The following KCTD16 variants were observed in gnomAD, a reference collection of about 807,000 sequenced individuals.
KCTD16 encodes BTB/POZ domain-containing protein KCTD16.
Under a neutral mutation model 33.2 loss-of-function variants are expected in KCTD16, and 13 were observed. The observed-to-expected ratio is 0.39, with a 90% CI of 0.25 to 0.62. The LOEUF (loss-of-function observed/expected upper bound fraction) is 0.62. KCTD16 is among the 20% of genes least tolerant of loss of function. The pLI is 0.50. For missense variants in KCTD16, 441 were observed against 525.1 expected (o/e 0.84, Z 1.57); for synonymous variants, 197 against 195.3 (o/e 1.01, Z -0.07).
intron 3 of KCTD16, among the ~76,000 whole-genome samples, chr5:144,458,373 G>T (rs1464173204): frequency 6.6e-6 from 1 of 152,226 alleles, no homozygotes; most frequent in African/African-American, 2.4e-5. Flanking sequence ...TCTTAGTACT[G>T]CCACTTGATT....
At chr5:144,234,410 C>G (rs1580809292) in intron 3 of KCTD16, among the ~76,000 whole-genome samples, 2 of 152,234 alleles carry the variant, frequency 1.3e-5, no homozygotes, top group African/African-American at 4.8e-5. Context: ...TGTCTGTCAC[C>G]TATACCCTTC....
At chr5:144,366,206 C>T (rs369744512) in intron 3 of KCTD16, among the ~76,000 whole-genome samples, 2 of 152,048 alleles carry the variant, frequency 1.3e-5, no homozygotes, top group South Asian at 2.1e-4. Context: ...AAAAAGCTGG[C>T]CTATGACAAA....
At chr5:144,418,043 A>G (rs540221935) in intron 3 of KCTD16, among the ~76,000 whole-genome samples, 1 of 152,084 alleles carries the variant, frequency 6.6e-6, no homozygotes, top group Non-Finnish European at 1.5e-5. Flanking sequence ...GTGTGAAGCC[A>G]CAGACCTTGG....
At chr5:144,443,137 C>T (rs1753749766) in intron 3 of KCTD16, among the ~76,000 whole-genome samples, 1 of 152,016 alleles carries the variant, frequency 6.6e-6, no homozygotes, top group African/African-American at 2.4e-5. Context: ...GGCAGGCTGC[C>T]CTTACTTGCG....
intron 3 of KCTD16, among the ~76,000 whole-genome samples, chr5:144,219,767 AC>A (rs754514731): frequency 1.3e-5 from 2 of 149,930 alleles, no homozygotes; most frequent in Non-Finnish European, 3.0e-5. Flanking sequence ...CAGATGATCC[AC>A]CCGCCTCGGC....
chr5:144,278,528 T>C (rs1346620620), intron 3 of KCTD16, among the ~76,000 whole-genome samples: 2 of 146,920 alleles, frequency 1.4e-5, no homozygotes, highest in Non-Finnish European at 3.0e-5. Flanking sequence ...TCTCGCTCTG[T>C]CGCCCAGGCC....
chr5:144,406,322 A>G (rs1488773049), intron 3 of KCTD16, among the ~76,000 whole-genome samples: 2 of 152,212 alleles, frequency 1.3e-5, no homozygotes, highest in Non-Finnish European at 2.9e-5. Flanking sequence ...CTTTGTCTCA[A>G]ATTTATTGTG....
At chr5:144,209,273 T>TA (rs1396441186) in intron 3 of KCTD16, among the ~76,000 whole-genome samples, 1 of 152,230 alleles carries the variant, frequency 6.6e-6, no homozygotes, top group Admixed American at 6.5e-5. Flanking sequence ...TTTATTTGTC[T>TA]ACCAGTGGCA....
chr5:144,405,610 G>A (rs1752794335), intron 3 of KCTD16, among the ~76,000 whole-genome samples: 2 of 152,160 alleles, frequency 1.3e-5, no homozygotes, highest in African/African-American at 4.8e-5. Flanking sequence ...GCTAAGGTGA[G>A]GACTTAGATT....
chr5:144,253,925 A>T (rs1754771810), intron 3 of KCTD16, among the ~76,000 whole-genome samples: 1 of 152,188 alleles, frequency 6.6e-6, no homozygotes, highest in South Asian at 2.1e-4. Context: ...ATATTTTTCC[A>T]GGGGTAAAAA....
At chr5:144,437,838 CAA>C (rs1753613311) in intron 3 of KCTD16, among the ~76,000 whole-genome samples, 1 of 152,146 alleles carries the variant, frequency 6.6e-6, no homozygotes, top group Admixed American at 6.5e-5. Flanking sequence ...CAATAGGACT[CAA>C]GAGAAGGCAG....
At chr5:144,244,982 T>A (rs1241028307) in intron 3 of KCTD16, among the ~76,000 whole-genome samples, 1 of 152,204 alleles carries the variant, frequency 6.6e-6, no homozygotes. Context: ...TGGAGATTAT[T>A]ATAAGATTAG....
At chr5:144,296,703 A>C (rs991025837) in intron 3 of KCTD16, among the ~76,000 whole-genome samples, 3 of 152,114 alleles carry the variant, frequency 2.0e-5, no homozygotes, top group African/African-American at 7.2e-5. Flanking sequence ...AAAGAAAACT[A>C]CTAGATATGG....
At position 144,476,053 on chromosome 5, in the gene KCTD16, C is replaced by T. The variant is rs1184191783; in HGVS notation, c.*1939C>T. ...ATTAGCAGATATTTGGTCTTAACTA[C>T]AACATAGCTTTGTTTGTAAACTTAC... On this transcript the variant is annotated 3_prime_UTR_variant, in exon 4 of 4. Transcript: ENST00000512467. 6.6e-6 allele frequency: 1 copy of T among 152,196 alleles called. No homozygotes were observed. Among genetic ancestry groups the T allele is most frequent in the Admixed American group, 6.5e-5 (1 of 15,276 alleles). 9.4% of individuals were successfully genotyped at this position (152,196 alleles called of 1,614,324 possible). A position where few individuals can be genotyped will look rare whatever the true frequency, so the allele number is the denominator to read the frequency against.
intron 2 of KCTD16, among the ~76,000 whole-genome samples, chr5:144,204,044 T>C (rs1256731537): frequency 6.6e-6 from 1 of 152,180 alleles, no homozygotes; most frequent in East Asian, 1.9e-4. Context: ...AAGTCAAATA[T>C]AATCAGGTGT....
intron 2 of KCTD16, among the ~76,000 whole-genome samples, chr5:144,186,480 T>C (rs1241914664): frequency 3.3e-5 from 5 of 152,170 alleles, no homozygotes; most frequent in African/African-American, 1.2e-4. Context: ...ATCATAAGCA[T>C]TGCATTTATT....
chr5:144,469,388 G>A (rs778616234), intron 3 of KCTD16, among the ~76,000 whole-genome samples: 1 of 152,150 alleles, frequency 6.6e-6, no homozygotes, highest in Non-Finnish European at 1.5e-5. Context: ...TGTAACATCG[G>A]TGTCATTACT....
intron 3 of KCTD16, among the ~76,000 whole-genome samples, chr5:144,374,190 G>A (rs1250979731): frequency 1.3e-5 from 2 of 152,032 alleles, no homozygotes; most frequent in Non-Finnish European, 2.9e-5. Flanking sequence ...GCCATTATTC[G>A]GCCTATCACC....
chr5:144,271,294 TTTTAAAAGACTTTGATCAA>T (rs1292178987), intron 3 of KCTD16, among the ~76,000 whole-genome samples: 3 of 152,000 alleles, frequency 2.0e-5, no homozygotes, highest in Non-Finnish European at 1.5e-5. Flanking sequence ...TTTGGGATTA[TTTTAAAAGACTTTGATCAA>T]GTATGATTTA....
Sources: allele counts gnomAD v4.1 joint callset (sites outside exome capture counted in the v4.1 genomes callset), GRCh38; gene constraint gnomAD v4.1.1; transcripts MANE v1.5; gene names NCBI Gene and HGNC (gene_info 2026-07-23, HGNC 2026-07-21).